CSMD1: variants seen among roughly 807,000 people sequenced by gnomAD.
CSMD1 encodes the protein CUB and Sushi multiple domains 1.
A neutral mutation model predicts 417.5 loss-of-function variants in CSMD1; 213 were observed. The ratio of observed to expected loss-of-function variants is 0.51; its 90% CI spans 0.46 to 0.57. The LOEUF (loss-of-function observed/expected upper bound fraction) is 0.57, where lower values mean the gene tolerates loss of function less well. CSMD1 is among the 20% of genes least tolerant of loss of function. CSMD1 has a pLI of 0.00. For missense variants in CSMD1, 6,923 were observed against 4,529.7 expected, an observed-to-expected ratio of 1.53 and a Z score of -15.17; for synonymous variants, 2,862 against 1,736.8, an observed-to-expected ratio of 1.65 and a Z score of -16.11.
At chr8:4,931,904 A>C (rs976953399) in intron 1 of CSMD1, among the ~76,000 whole-genome samples, 1 of 152,326 alleles carries the variant, frequency 6.6e-6, no homozygotes, top group East Asian at 1.9e-4. Context: ...TGTACTTTAG[A>C]AATGTCCCTT....
intron 23 of CSMD1, among the ~76,000 whole-genome samples, chr8:3,341,626 A>T (rs1426014585): frequency 6.6e-6 from 1 of 152,106 alleles, no homozygotes; most frequent in East Asian, 1.9e-4. Flanking sequence ...GAGAGGGAGG[A>T]TCCCAGGCCA....
At chr8:3,967,983 C>G (rs888958856) in intron 5 of CSMD1, among the ~76,000 whole-genome samples, 1 of 137,674 alleles carries the variant, frequency 7.3e-6, no homozygotes, top group Non-Finnish European at 1.5e-5. Context: ...CTGGCCAACA[C>G]GGTGAAACCC....
At chr8:4,971,230 A>G (rs1810218752) in intron 1 of CSMD1, among the ~76,000 whole-genome samples, 1 of 152,210 alleles carries the variant, frequency 6.6e-6, no homozygotes, top group African/African-American at 2.4e-5. Flanking sequence ...AGTACCTTTA[A>G]GTTGATAAAG....
chr8:4,981,443 T>C (rs1810882875), intron 1 of CSMD1, among the ~76,000 whole-genome samples: 1 of 152,208 alleles, frequency 6.6e-6, no homozygotes, highest in Admixed American at 6.5e-5. Context: ...GGGAGTGTCC[T>C]CTCTGTGCAC....
At chr8:3,369,480 G>C (rs997005444) in intron 18 of CSMD1, 110 bp from the exon 19 acceptor site, 2 of 619,188 alleles carry the variant, frequency 3.2e-6, no homozygotes, top group Admixed American at 5.9e-5. Flanking sequence ...CAAATTTAAT[G>C]TCATATCCAA....
At chr8:3,926,349 C>G (rs951824329) in intron 5 of CSMD1, among the ~76,000 whole-genome samples, 2 of 151,964 alleles carry the variant, frequency 1.3e-5, no homozygotes, top group South Asian at 2.1e-4. Flanking sequence ...TTTATCTTAT[C>G]TTATTTTATG....
chr8:3,016,137 C>T (rs1808805270), intron 52 of CSMD1, among the ~76,000 whole-genome samples: 2 of 152,198 alleles, frequency 1.3e-5, no homozygotes, highest in Non-Finnish European at 2.9e-5. Context: ...AGATAAATCT[C>T]ACAAATGCCA....
intron 11 of CSMD1, among the ~76,000 whole-genome samples, chr8:3,470,186 T>A (rs955072816): frequency 6.6e-6 from 1 of 152,214 alleles, no homozygotes; most frequent in African/African-American, 2.4e-5. Context: ...AAAGTTTTTT[T>A]GTAAATGAAA....
rs146100993 is a variant in CSMD1, at chr8:4,480,304, C to T, written c.303-60239G>A. On this transcript the variant is annotated intron_variant, in intron 2 of 69. Transcript: ENST00000635120. ...CCCCAGGATGAATTTGCACAAATCA[C>T]TTAACCTGTGTGTTTCTGCAGCCTT... Among the ~76,000 whole-genome samples the T allele has an allele frequency of 5.4e-3, 828 of 152,218 alleles. 8 individuals are homozygous for T. The highest frequency in any genetic ancestry group is 0.019 in the African/African-American group (773 of 41,532).
chr8:4,923,553 A>G (rs890784342), intron 1 of CSMD1, among the ~76,000 whole-genome samples: 1 of 152,042 alleles, frequency 6.6e-6, no homozygotes, highest in Non-Finnish European at 1.5e-5. Flanking sequence ...ATGTGCCCAC[A>G]TAACTTAAAA....
chr8:4,534,733 C>G (rs1207361042), intron 2 of CSMD1, among the ~76,000 whole-genome samples: 1 of 152,046 alleles, frequency 6.6e-6, no homozygotes, highest in Non-Finnish European at 1.5e-5. Context: ...ATTATGACCT[C>G]CAACTCCATC....
chr8:4,030,607 G>C (rs754071277), intron 4 of CSMD1, among the ~76,000 whole-genome samples: 6 of 152,180 alleles, frequency 3.9e-5, no homozygotes, highest in Admixed American at 3.9e-4. Flanking sequence ...GATGGGAGGG[G>C]TTGCTGTGAA....
At chr8:3,404,000 C>T (rs1410322711) in intron 15 of CSMD1, among the ~76,000 whole-genome samples, 2 of 152,072 alleles carry the variant, frequency 1.3e-5, no homozygotes, top group African/African-American at 4.8e-5. Context: ...TCTTGTCCAC[C>T]CACAAATTGT....
intron 23 of CSMD1, among the ~76,000 whole-genome samples, chr8:3,328,135 A>C (rs1806654478): frequency 6.6e-6 from 1 of 152,284 alleles, no homozygotes; most frequent in South Asian, 2.1e-4. Flanking sequence ...TCAATGTCAA[A>C]ATCCAAGCCA....
intron 7 of CSMD1, among the ~76,000 whole-genome samples, chr8:3,706,732 A>G (rs1192866105): frequency 6.6e-6 from 1 of 152,196 alleles, no homozygotes; most frequent in Non-Finnish European, 1.5e-5. Flanking sequence ...ATTGAACTTT[A>G]GATCATTTGT....
rs192848795 is a variant in CSMD1, at chr8:3,235,404, C to T, written c.4154-5173G>A. On this transcript the variant is annotated intron_variant, in intron 26 of 69. Transcript: ENST00000635120. ...TTTTATACATGAATAAGAATTTTAA[C>T]GGATATATCAGCCTTGCAAAAAATA... 9.2e-5 allele frequency among the ~76,000 whole-genome samples: 14 copies of T among 152,194 alleles called. No individual in the cohort carries two copies. In the South Asian group the frequency reaches 1.5e-3, roughly 16 times the overall value.
chr8:3,246,656 G>A (rs1476807529), intron 26 of CSMD1, among the ~76,000 whole-genome samples: 1 of 152,156 alleles, frequency 6.6e-6, no homozygotes, highest in Non-Finnish European at 1.5e-5. Context: ...ATTTTTGAAA[G>A]AGACGGGGTT....
intron 8 of CSMD1, among the ~76,000 whole-genome samples, chr8:3,589,246 T>G (rs911677457): frequency 6.6e-6 from 1 of 152,082 alleles, no homozygotes; most frequent in Non-Finnish European, 1.5e-5. Context: ...ATCCTATATC[T>G]GAAGGAAATG....
intron 5 of CSMD1, among the ~76,000 whole-genome samples, chr8:3,980,791 G>C (rs549241217): frequency 6.6e-6 from 1 of 152,116 alleles, no homozygotes; most frequent in Non-Finnish European, 1.5e-5. Flanking sequence ...CTTAGACTGG[G>C]GATACATACC....
Sources: allele counts gnomAD v4.1 joint callset (sites outside exome capture counted in the v4.1 genomes callset), GRCh38; gene constraint gnomAD v4.1.1; transcripts MANE v1.5; gene names NCBI Gene and HGNC (gene_info 2026-07-23, HGNC 2026-07-21).